Variants in SARNP observed in about 807,000 individuals in gnomAD.
The protein encoded by SARNP is SAP domain containing ribonucleoprotein.
In SARNP, 5 loss-of-function variants were observed where a neutral mutation model predicts 38.1. The observed-to-expected ratio is 0.13, with a 90% CI of 0.07 to 0.28. SARNP has a LOEUF of 0.28. SARNP is among the 10% of genes least tolerant of loss of function. The pLI is 1.00. For missense variants in SARNP, 180 were observed against 243.9 expected (o/e 0.74, Z 1.75); for synonymous variants, 84 against 80.6 (o/e 1.04, Z -0.23).
At position 55,795,961 on chromosome 12, in the gene SARNP, A is replaced by G. The variant is rs1879807557; in HGVS notation, c.303+64T>C. On this transcript the variant is annotated intron_variant, in intron 5 of 10. Coordinates refer to ENST00000336133, the MANE Select transcript of SARNP (RefSeq NM_033082.4). ...ATAAATTTTAGAGGATGATGCAGAT[A>G]TAATAAAGGGTAAGAGGGAGAGAGA... 2.7e-6 allele frequency: 3 copies of G among 1,125,706 alleles called. No individual in the cohort carries two copies. In the Admixed American group the frequency reaches 6.1e-5, roughly 23 times the overall value. The allele number at this position is 1,125,706 out of a possible 1,614,324, so 69.7% of individuals were successfully genotyped here.
chr12:55,788,964 T>C, intron 9 of SARNP, 111 bp downstream of exon 9: 1 of 727,482 alleles, frequency 1.4e-6, no homozygotes, highest in Non-Finnish European at 2.4e-6. Flanking sequence ...GTATGTGAAA[T>C]GAAATGCTTT....
intron 9 of SARNP, among the ~76,000 whole-genome samples, chr12:55,788,535 G>A (rs576560074): frequency 3.9e-5 from 6 of 152,130 alleles, no homozygotes; most frequent in South Asian, 4.1e-4. Flanking sequence ...AGTGGCTCAC[G>A]CCTGTAATCC....
At chr12:55,800,060 A>C (rs1167060829) in intron 4 of SARNP, among the ~76,000 whole-genome samples, 3 of 151,786 alleles carry the variant, frequency 2.0e-5, no homozygotes, top group Non-Finnish European at 4.4e-5. Context: ...CAGTAGTGGC[A>C]CACACCTATA....
At chr12:55,785,501 G>C (rs890789595) in intron 9 of SARNP, among the ~76,000 whole-genome samples, 2 of 151,374 alleles carry the variant, frequency 1.3e-5, no homozygotes, top group Non-Finnish European at 2.9e-5. Context: ...TTTTAAGACA[G>C]AGTCTAGGCC....
intron 4 of SARNP, among the ~76,000 whole-genome samples, chr12:55,797,429 C>A (rs1879852958): frequency 6.6e-6 from 1 of 152,196 alleles, no homozygotes; most frequent in Non-Finnish European, 1.5e-5. Flanking sequence ...TCTAAACTAG[C>A]CCTGGCTATT....
intron 9 of SARNP, among the ~76,000 whole-genome samples, chr12:55,769,664 T>C (rs550534680): frequency 6.6e-6 from 1 of 152,338 alleles, no homozygotes; most frequent in African/African-American, 2.4e-5. Context: ...TTATGATGCT[T>C]TGCCTTAAGA....
rs147810706 is a variant in SARNP, at chr12:55,811,572, AAAACAAAC to A, written c.36+6086_36+6093del. Among the ~76,000 whole-genome samples the A allele has an allele frequency of 3.2e-3, 486 of 150,586 alleles. 7 individuals carry two copies. The highest frequency in any genetic ancestry group is 0.024 in the Admixed American group (370 of 15,164). ...GAGAAAAAGCGAGACACTGTCTCAA[AAAACAAAC>A]AAACAAACAAACAAACAAACAAACA... On this transcript the variant is annotated intron_variant, in intron 1 of 10. Transcript: ENST00000336133.
chr12:55,765,276 G>A (rs2136179122), intron 9 of SARNP, among the ~76,000 whole-genome samples: 1 of 152,282 alleles, frequency 6.6e-6, no homozygotes. Context: ...GGCCAGTTTT[G>A]CTTCTCCTGG....
chr12:55,799,906 T>C (rs997131581), intron 4 of SARNP, among the ~76,000 whole-genome samples: 1 of 148,222 alleles, frequency 6.7e-6, no homozygotes, highest in Non-Finnish European at 1.5e-5. Flanking sequence ...GTTAACAGAA[T>C]GGGCCGGGCA....
At chr12:55,764,785 T>A (rs1878778921) in intron 9 of SARNP, among the ~76,000 whole-genome samples, 1 of 131,378 alleles carries the variant, frequency 7.6e-6, no homozygotes, top group South Asian at 2.4e-4. Flanking sequence ...GGAGCCAAGA[T>A]CACGCCACTG....
chr12:55,789,064 G>A lies in SARNP; in HGVS notation c.501+11C>T, dbSNP rs1342892811. On this transcript the variant is annotated intron_variant, in intron 9 of 10. Transcript: ENST00000336133. ...GTCACAAAAACATTACTTCCATCGA[G>A]CCTACATTACCTTTCTGGAGATTGA... 6.3e-7 allele frequency: 1 copy of A among 1,581,160 alleles called. No individual in the cohort carries two copies. Among genetic ancestry groups the A allele is most frequent in the East Asian group, 2.2e-5 (1 of 44,534 alleles).
intron 1 of SARNP, among the ~76,000 whole-genome samples, chr12:55,809,395 G>C (rs539854023): frequency 2.0e-5 from 3 of 152,110 alleles, no homozygotes; most frequent in East Asian, 3.8e-4. Context: ...AATGAGCCAT[G>C]ATCATGCCAC....
At chr12:55,794,957 TAAAAAAAAA>T (rs373511418) in intron 5 of SARNP, 77 bp from the exon 6 acceptor site, 14 of 145,408 alleles carry the variant, frequency 9.6e-5, no homozygotes, top group African/African-American at 3.7e-4. Flanking sequence ...TAGGTATCTT[TAAAAAAAAA>T]AAAAAAAAAA....
chr12:55,807,704 C>T (rs1246998793), intron 1 of SARNP, among the ~76,000 whole-genome samples: 1 of 151,428 alleles, frequency 6.6e-6, no homozygotes, highest in Non-Finnish European at 1.5e-5. Flanking sequence ...GTCCCAGCTC[C>T]TCAGGAGGCT....
chr12:55,795,302 T>C (rs1463607145), intron 5 of SARNP, among the ~76,000 whole-genome samples: 1 of 152,018 alleles, frequency 6.6e-6, no homozygotes, highest in East Asian at 1.9e-4. Context: ...TTTCTTAGGG[T>C]CTAAACTGAA....
intron 2 of SARNP, among the ~76,000 whole-genome samples, chr12:55,801,977 C>T (rs1282177855): frequency 4.6e-5 from 7 of 152,062 alleles, no homozygotes; most frequent in Non-Finnish European, 1.0e-4. Flanking sequence ...AAAAGAAATG[C>T]CTGCAAGCCA....
At chr12:55,813,173 T>C (rs553310661) in intron 1 of SARNP, among the ~76,000 whole-genome samples, 42 of 152,270 alleles carry the variant, frequency 2.8e-4, no homozygotes, top group Non-Finnish European at 4.6e-4. Context: ...CTCAAACTCC[T>C]GACCTCGTGA....
chr12:55,802,952 G>A (rs1449231490), intron 2 of SARNP, among the ~76,000 whole-genome samples: 1 of 147,282 alleles, frequency 6.8e-6, no homozygotes, highest in Non-Finnish European at 1.5e-5. Flanking sequence ...AATACTTAGT[G>A]AAAAAAATGA....
chr12:55,761,292 C>A (rs1471766962), intron 9 of SARNP, among the ~76,000 whole-genome samples: 1 of 152,130 alleles, frequency 6.6e-6, no homozygotes, highest in African/African-American at 2.4e-5. Context: ...CTGAATAACA[C>A]CCAAAGTTAC....
Sources: gnomAD v4.1 joint callset for allele counts (sites outside exome capture counted in the v4.1 genomes callset) on GRCh38, gnomAD v4.1.1 for gene constraint, MANE v1.5 for transcripts, NCBI Gene and HGNC (gene_info 2026-07-23, HGNC 2026-07-21) for gene names.